The following TEKTL1 variants were observed in gnomAD, a reference collection of about 807,000 sequenced individuals.
TEKTL1 encodes the protein tektin like 1.
chr19:15,017,230 G>T, the TEKTL1 span, among the ~76,000 whole-genome samples: 11 of 152,058 alleles, frequency 7.2e-5, no homozygotes, highest in African/African-American at 1.9e-4. Context: ...AATGAATGAA[G>T]GAAGGAAGGA....
At chr19:15,013,123 A>T in the TEKTL1 span, among the ~76,000 whole-genome samples, 1 of 152,096 alleles carries the variant, frequency 6.6e-6, no homozygotes, top group Admixed American at 6.6e-5. Context: ...GTCCTGGTGA[A>T]ATCTTCCCCT....
the TEKTL1 span, among the ~76,000 whole-genome samples, chr19:15,018,732 A>ATATATATATATATATATATAT: frequency 9.9e-4 from 78 of 78,502 alleles, 3 homozygotes; most frequent in South Asian, 1.6e-3. Flanking sequence ...ATATATATAT[A>ATATATATATATATATATATAT]ACTTCCCTGG....
the TEKTL1 span, among the ~76,000 whole-genome samples, chr19:15,017,197 G>A: frequency 2.6e-5 from 4 of 152,052 alleles, no homozygotes; most frequent in African/African-American, 7.2e-5. Flanking sequence ...AATCCAGCCT[G>A]GGAGACAGAG....
chr19:15,018,782 A>T, the TEKTL1 span, among the ~76,000 whole-genome samples: 1 of 141,894 alleles, frequency 7.0e-6, no homozygotes, highest in Admixed American at 7.3e-5. Context: ...ACCTGGGAAA[A>T]ATGTAAGCAG....
the TEKTL1 span, chr19:15,013,693 A>G: frequency 6.2e-6 from 10 of 1,613,520 alleles, no homozygotes; most frequent in African/African-American, 9.3e-5. Flanking sequence ...AGCTGACAGT[A>G]TGCTTACATG....
chr19:15,021,766 A>T, the TEKTL1 span: 1 of 1,611,490 alleles, frequency 6.2e-7, no homozygotes, highest in Non-Finnish European at 8.5e-7. Context: ...CGGTGGCTGG[A>T]GGCTGGGTTT....
the TEKTL1 span, chr19:15,021,878 C>T: frequency 2.5e-6 from 4 of 1,614,044 alleles, no homozygotes; most frequent in Non-Finnish European, 3.4e-6. Context: ...GTACCAGAGA[C>T]ACGTGGGCAC....
At chr19:15,022,842 C>G in the TEKTL1 span, 2 of 1,558,098 alleles carry the variant, frequency 1.3e-6, no homozygotes, top group Non-Finnish European at 1.7e-6. Context: ...TCTGCTCTGG[C>G]TCACGGGTCT....
the TEKTL1 span, chr19:15,021,759 T>TGGGTGGA: frequency 6.2e-7 from 1 of 1,612,140 alleles, no homozygotes; most frequent in South Asian, 1.1e-5. Flanking sequence ...GGGGTGCCGG[T>TGGGTGGA]GGCTGGAGGC....
At chr19:15,011,265 T>G in the TEKTL1 span, 1 of 1,518,598 alleles carries the variant, frequency 6.6e-7, no homozygotes, top group East Asian at 2.6e-5. Flanking sequence ...CAGCACCAGA[T>G]TAACGGGCGG....
At chr19:15,015,452 G>A in the TEKTL1 span, among the ~76,000 whole-genome samples, 1 of 152,138 alleles carries the variant, frequency 6.6e-6, no homozygotes, top group Non-Finnish European at 1.5e-5. Context: ...AGCTCCCTGT[G>A]CCTTCCTTGC....
the TEKTL1 span, chr19:15,010,887 G>T: frequency 6.4e-7 from 1 of 1,563,738 alleles, no homozygotes; most frequent in African/African-American, 1.4e-5. Context: ...GCCCCAGCAT[G>T]GCGCGAGGCA....
chr19:15,011,536 C>A, the TEKTL1 span: 1 of 641,260 alleles, frequency 1.6e-6, no homozygotes, highest in Non-Finnish European at 2.3e-6. Context: ...GAATTCGAGA[C>A]CAGCCTGACC....
chr19:15,013,305 G>A, the TEKTL1 span, among the ~76,000 whole-genome samples: 3 of 152,148 alleles, frequency 2.0e-5, no homozygotes, highest in Non-Finnish European at 4.4e-5. Context: ...CCCTCCACCT[G>A]TAGCCAGGGA....
chr19:15,017,482 G>A, the TEKTL1 span, among the ~76,000 whole-genome samples: 3 of 152,066 alleles, frequency 2.0e-5, no homozygotes, highest in South Asian at 2.1e-4. Flanking sequence ...TTTCGATGGC[G>A]GGATGCTGTC....
chr19:15,021,528 A>G, the TEKTL1 span: 1 of 1,613,878 alleles, frequency 6.2e-7, no homozygotes, highest in Non-Finnish European at 8.5e-7. Context: ...AGGTGAGCGC[A>G]TTACCTGCGG....
the TEKTL1 span, chr19:15,013,539 G>T: frequency 1.6e-6 from 1 of 642,592 alleles, no homozygotes. Context: ...CCACCCAAAG[G>T]ATGAGAGTAC....
chr19:15,019,961 A>AG, the TEKTL1 span, among the ~76,000 whole-genome samples: 15 of 146,262 alleles, frequency 1.0e-4, no homozygotes, highest in South Asian at 7.2e-4. Context: ...GTGTCTCAAA[A>AG]CAAAAAAAAA....
chr19:15,012,860 G>C, the TEKTL1 span, among the ~76,000 whole-genome samples: 1 of 151,884 alleles, frequency 6.6e-6, no homozygotes, highest in Non-Finnish European at 1.5e-5. Flanking sequence ...CCCAGTCCTA[G>C]TGAAAACACA....
Sources: gnomAD v4.1 joint callset for allele counts (sites outside exome capture counted in the v4.1 genomes callset) on GRCh38, gnomAD v4.1.1 for gene constraint, MANE v1.5 for transcripts, NCBI Gene and HGNC (gene_info 2026-07-23, HGNC 2026-07-21) for gene names.